The following SPATA18 variants were observed in gnomAD, a reference collection of about 807,000 sequenced individuals.
The protein encoded by SPATA18 is spermatogenesis associated 18.
A neutral mutation model predicts 68.1 loss-of-function variants in SPATA18; 54 were observed. The ratio of observed to expected loss-of-function variants is 0.79; its 90% CI spans 0.64 to 0.99. The LOEUF is 0.99. SPATA18 is among the 50% of genes least tolerant of loss of function. The pLI, the probability that SPATA18 is intolerant of heterozygous loss-of-function variation, is 0.00. For missense variants in SPATA18, 724 were observed against 681.1 expected (o/e 1.06, Z -0.70); for synonymous variants, 242 against 244.8 (o/e 0.99, Z 0.11).
intron 3 of SPATA18, among the ~76,000 whole-genome samples, chr4:52,061,463 T>G (rs1238069146): frequency 6.8e-6 from 1 of 147,652 alleles, no homozygotes; most frequent in East Asian, 2.0e-4. Context: ...ACATTGTGCA[T>G]GTGTATCCCA....
chr4:52,091,220 A>G (rs1222632302), intron 11 of SPATA18, among the ~76,000 whole-genome samples: 1 of 152,012 alleles, frequency 6.6e-6, no homozygotes, highest in Admixed American at 6.6e-5. Flanking sequence ...GCTTCCTTGC[A>G]GTGGGTTAGA....
intron 6 of SPATA18, among the ~76,000 whole-genome samples, chr4:52,072,761 GT>G (rs1739974586): frequency 6.6e-6 from 1 of 152,176 alleles, no homozygotes. Flanking sequence ...GGTGCAAGAG[GT>G]GGTACCCTCA....
chr4:52,078,086 T>C (rs1243893627), intron 7 of SPATA18, among the ~76,000 whole-genome samples: 2 of 113,202 alleles, frequency 1.8e-5, no homozygotes, highest in Non-Finnish European at 3.7e-5. Flanking sequence ...TGTAAGAATG[T>C]TTTTAGATTT....
Position 52,079,925 on chromosome 4 carries a change from A to G in SPATA18, c.1355+6A>G. On this transcript the variant is annotated splice_donor_region_variant and intron_variant, in intron 9 of 12. Transcript: ENST00000295213. ...GAAGTTTTTAATGATTGCAAGTAAGAGACACAGGAGCAGAAGCTAAGGGAT... is the reference window on the plus strand; with the variant it reads ...GAAGTTTTTAATGATTGCAAGTAAGGGACACAGGAGCAGAAGCTAAGGGAT... The G allele has an allele frequency of 6.2e-7, 1 of 1,610,272 alleles. No homozygotes were observed. The highest frequency in any genetic ancestry group is 8.5e-7 in the Non-Finnish European group (1 of 1,178,396).
rs1020020671 is a variant in SPATA18 at position 52,076,970 on chromosome 4, C to T, written c.950C>T (p.Ala317Val). The change falls in exon 7 of 13, where the codon GCG (alanine) becomes GTG (valine). Residue 317 changes from alanine (A) to valine (V), a missense_variant. Ala to Val is a moderately conservative substitution (Grantham distance 64, BLOSUM62 0). Transcript: ENST00000295213. The part of the protein sequence containing the change: ...SDSYSQARLD[A>V]QCLLRRCIDK... ...TCCTATTCCCAGGCCCGCCTGGACGCGCAGTGCCTGCTGCGGCGCTGCATC... is the reference window on the plus strand; with the variant it reads ...TCCTATTCCCAGGCCCGCCTGGACGTGCAGTGCCTGCTGCGGCGCTGCATC... 2 of 1,613,880 alleles carry T rather than the reference C, an allele frequency of 1.2e-6. No homozygotes were observed. Among genetic ancestry groups the T allele is most frequent in the Non-Finnish European group, 1.7e-6 (2 of 1,179,980 alleles).
chr4:52,075,166 G>A (rs1408227940), intron 6 of SPATA18, among the ~76,000 whole-genome samples: 2 of 152,122 alleles, frequency 1.3e-5, no homozygotes, highest in Non-Finnish European at 2.9e-5. Flanking sequence ...GCTCTTGTTT[G>A]CAATGAGAAC....
chr4:52,094,496 G>A, intron 11 of SPATA18, 31 bp from the exon 12 acceptor site: 1 of 1,604,770 alleles, frequency 6.2e-7, no homozygotes, highest in Non-Finnish European at 8.5e-7. Flanking sequence ...CGTCTACTAT[G>A]TAATTCACAT....
intron 11 of SPATA18, among the ~76,000 whole-genome samples, chr4:52,092,042 A>G (rs1374619474): frequency 6.6e-6 from 1 of 152,146 alleles, no homozygotes; most frequent in Non-Finnish European, 1.5e-5. Flanking sequence ...GCAATGGTGG[A>G]CACCCCTCCC....
intron 6 of SPATA18, among the ~76,000 whole-genome samples, chr4:52,075,480 G>A (rs923052007): frequency 1.3e-5 from 2 of 152,122 alleles, no homozygotes; most frequent in Non-Finnish European, 1.5e-5. Context: ...AATTTTTGGA[G>A]TTTTTGTCTG....
At chr4:52,084,286 A>G (rs1015611731) in intron 10 of SPATA18, among the ~76,000 whole-genome samples, 1 of 152,196 alleles carries the variant, frequency 6.6e-6, no homozygotes, top group Non-Finnish European at 1.5e-5. Flanking sequence ...CCCATCAAGC[A>G]TATCAGGAAC....
In SPATA18 at chr4:52,072,061, G is replaced by A; in HGVS notation, c.663G>A (p.Gln221=). 2.5e-6 allele frequency: 4 copies of A among 1,613,916 alleles called. No homozygotes were observed. Among genetic ancestry groups the A allele is most frequent in the Non-Finnish European group, 3.4e-6 (4 of 1,180,002 alleles). The stretch of plus-strand genomic sequence containing the variant: ...CACTCAAGCAGAATGCAGACCAGCA[G>A]GACACAGAAGCCATGTCCGATTATA... ...WNSLKQNADQ[Q]DTEAMSDYKK... Residue 221 remains glutamine (Q), a synonymous_variant, in exon 6 of 13, where the codon CAG becomes CAA. Coordinates refer to ENST00000295213, the MANE Select transcript of SPATA18 (RefSeq NM_145263.4).
At chr4:52,082,179 A>G (rs187448555) in intron 9 of SPATA18, among the ~76,000 whole-genome samples, 80 of 54,402 alleles carry the variant, frequency 1.5e-3, no homozygotes, top group African/African-American at 2.6e-3. Context: ...TTAGTTTGAC[A>G]CGATTTGGTC....
intron 5 of SPATA18, among the ~76,000 whole-genome samples, chr4:52,071,556 C>A (rs1021400152): frequency 2.6e-5 from 4 of 152,176 alleles, no homozygotes; most frequent in Non-Finnish European, 5.9e-5. Flanking sequence ...GTATTTTAGA[C>A]CAGCTGCCTG....
At chr4:52,070,757 AT>A (rs1321155409) in intron 5 of SPATA18, among the ~76,000 whole-genome samples, 1 of 152,222 alleles carries the variant, frequency 6.6e-6, no homozygotes, top group East Asian at 1.9e-4. Context: ...CTGACCATAT[AT>A]TAGCCTGCAA....
intron 4 of SPATA18, among the ~76,000 whole-genome samples, chr4:52,065,066 G>T (rs1435365840): frequency 6.6e-6 from 1 of 151,910 alleles, no homozygotes; most frequent in Admixed American, 6.6e-5. Flanking sequence ...GGCTGTTTGT[G>T]TATCTTCTTT....
chr4:52,072,944 AAGACAGGTCATCC>A (rs1189657614), intron 6 of SPATA18, among the ~76,000 whole-genome samples: 1 of 152,188 alleles, frequency 6.6e-6, no homozygotes, highest in Non-Finnish European at 1.5e-5. Flanking sequence ...GACAGATTTT[AAGACAGGTCATCC>A]AGACAGTGTT....
chr4:52,064,926 C>T (rs1280729297), intron 4 of SPATA18, among the ~76,000 whole-genome samples: 1 of 152,178 alleles, frequency 6.6e-6, no homozygotes, highest in Non-Finnish European at 1.5e-5. Context: ...CACATTTACT[C>T]CAACATCTAT....
intron 12 of SPATA18, 152 bp from the exon 13 acceptor site, chr4:52,094,728 C>T (rs1578211494): frequency 1.5e-5 from 19 of 1,272,018 alleles, no homozygotes; most frequent in Non-Finnish European, 2.0e-5. Context: ...CTGATGGTAC[C>T]CAGGCAGGTC....
chr4:52,081,710 T>C (rs575846755), intron 9 of SPATA18, among the ~76,000 whole-genome samples: 4 of 152,228 alleles, frequency 2.6e-5, no homozygotes, highest in African/African-American at 4.8e-5. Context: ...TCTCCTCTAT[T>C]TGTGAAAATG....
Sources: gnomAD v4.1 joint callset for allele counts (sites outside exome capture counted in the v4.1 genomes callset) on GRCh38, gnomAD v4.1.1 for gene constraint, MANE v1.5 for transcripts, NCBI Gene and HGNC (gene_info 2026-07-23, HGNC 2026-07-21) for gene names.